PLD5: variants seen among roughly 807,000 people sequenced by gnomAD.
The protein encoded by PLD5 is phospholipase D family member 5.
Under a neutral mutation model 61.1 loss-of-function variants are expected in PLD5, and 36 were observed. The observed-to-expected ratio is 0.59, with a 90% CI of 0.45 to 0.78. The LOEUF (loss-of-function observed/expected upper bound fraction) is 0.78, where lower values mean the gene tolerates loss of function less well. Ranked by LOEUF, PLD5 falls within the 30% of genes least tolerant of loss-of-function variation. The probability of loss-of-function intolerance (pLI) is 0.00; values close to 1 mark genes in which losing one functional copy is unlikely to be tolerated. For missense variants in PLD5, 515 were observed against 644.4 expected (o/e 0.80, Z 2.17); for synonymous variants, 243 against 242.8 (o/e 1.00, Z -0.01).
chr1:242,512,101 C>A (rs927637411), intron 1 of PLD5, among the ~76,000 whole-genome samples: 1 of 151,890 alleles, frequency 6.6e-6, no homozygotes, highest in Admixed American at 6.6e-5. Context: ...TCAAGGCTGG[C>A]CGGCCTTTAA....
chr1:242,157,785 A>G (rs189485221), intron 5 of PLD5, among the ~76,000 whole-genome samples: 5 of 152,280 alleles, frequency 3.3e-5, no homozygotes, highest in East Asian at 3.9e-4. Flanking sequence ...GTCAGGATAC[A>G]TGGCGGTCAG....
chr1:242,255,752 A>G (rs1672978323), intron 4 of PLD5, among the ~76,000 whole-genome samples: 2 of 152,144 alleles, frequency 1.3e-5, no homozygotes, highest in Non-Finnish European at 2.9e-5. Flanking sequence ...GCAATGGCAA[A>G]GATCACATTT....
chr1:242,230,156 A>C (rs1295099326), intron 4 of PLD5, among the ~76,000 whole-genome samples: 1 of 152,210 alleles, frequency 6.6e-6, no homozygotes, highest in Non-Finnish European at 1.5e-5. Flanking sequence ...CAAGGGTGAG[A>C]AGCCCTGCAT....
chr1:242,124,379 C>G, intron 6 of PLD5, 89 bp downstream of exon 6: 1 of 1,309,224 alleles, frequency 7.6e-7, no homozygotes, highest in Non-Finnish European at 1.1e-6. Flanking sequence ...CATTTTTGCC[C>G]AATACAAGAT....
chr1:242,395,008 T>TATATATGAATATATGA (rs1663446104), intron 1 of PLD5, among the ~76,000 whole-genome samples: 4 of 108,006 alleles, frequency 3.7e-5, no homozygotes, highest in East Asian at 5.5e-4. Context: ...TATATATGAA[T>TATATATGAATATATGA]ATATATGAAT....
At chr1:242,136,144 G>A (rs1663709037) in intron 5 of PLD5, among the ~76,000 whole-genome samples, 1 of 152,272 alleles carries the variant, frequency 6.6e-6, no homozygotes, top group Middle Eastern at 3.4e-3. Context: ...ATAGAAGTAG[G>A]AGGCACAACT....
At chr1:242,483,887 A>G (rs530055507) in intron 1 of PLD5, among the ~76,000 whole-genome samples, 10 of 151,914 alleles carry the variant, frequency 6.6e-5, no homozygotes, top group Non-Finnish European at 1.0e-4. Flanking sequence ...ATCAAACTAG[A>G]ACTCAGGATT....
Position 242,256,764 on chromosome 1 carries a change from ATCTATCT to A in PLD5, c.607+8566_607+8572del, listed in dbSNP as rs1039229841. On this transcript the variant is annotated intron_variant, in intron 4 of 9. Coordinates refer to ENST00000536534, the MANE Select transcript of PLD5 (RefSeq NM_001372062.1). The surrounding 1 kb of genome is among the most constrained non-coding windows in gnomAD (Gnocchi z 5.7). ...AAGACTATCATCTATCTATCTATCT[ATCTATCT>A]ATCTATCTATCTATCTATCTATCTA... Among the ~76,000 whole-genome samples the A allele has an allele frequency of 1.4e-5, 2 of 145,508 alleles. No homozygotes were observed. The highest frequency in any genetic ancestry group is 5.5e-5 in the African/African-American group (2 of 36,642).
chr1:242,287,197 G>C (rs1250186782), intron 3 of PLD5, among the ~76,000 whole-genome samples: 1 of 152,116 alleles, frequency 6.6e-6, no homozygotes, highest in Non-Finnish European at 1.5e-5. Flanking sequence ...AGTCACCCCA[G>C]CTGAGATACC....
At chr1:242,399,901 G>T (rs1224597584) in intron 1 of PLD5, among the ~76,000 whole-genome samples, 1 of 152,188 alleles carries the variant, frequency 6.6e-6, no homozygotes, top group Non-Finnish European at 1.5e-5. Flanking sequence ...TGGCGTGGTG[G>T]CTCACGCCTG....
chr1:242,469,960 C>T (rs1391047395), intron 1 of PLD5, among the ~76,000 whole-genome samples: 3 of 152,094 alleles, frequency 2.0e-5, no homozygotes, highest in East Asian at 3.9e-4. Context: ...CACAATCCGC[C>T]CATGTAAAAT....
chr1:242,164,569 G>GTTA (rs1454701814), intron 5 of PLD5, among the ~76,000 whole-genome samples: 5 of 152,258 alleles, frequency 3.3e-5, no homozygotes, highest in African/African-American at 7.2e-5. Flanking sequence ...ATGCAATAAT[G>GTTA]TTATTTATCT....
intron 3 of PLD5, among the ~76,000 whole-genome samples, chr1:242,271,933 T>C (rs1220541662): frequency 3.3e-5 from 5 of 151,768 alleles, no homozygotes; most frequent in Admixed American, 3.3e-4. Context: ...GGGACTGAAA[T>C]AGTGTTACTC....
intron 5 of PLD5, among the ~76,000 whole-genome samples, chr1:242,157,609 G>A (rs1268354989): frequency 1.3e-5 from 2 of 152,146 alleles, no homozygotes; most frequent in Non-Finnish European, 2.9e-5. Flanking sequence ...CAGGTCTGCT[G>A]GAGTTTGCTG....
chr1:242,485,242 T>TTAA (rs1667917234), intron 1 of PLD5, among the ~76,000 whole-genome samples: 1 of 152,164 alleles, frequency 6.6e-6, no homozygotes, highest in Non-Finnish European at 1.5e-5. Context: ...TAAAGGGTAT[T>TTAA]CAATTAGGAA....
chr1:242,228,340 T>G (rs188065105), intron 4 of PLD5, among the ~76,000 whole-genome samples: 1 of 152,290 alleles, frequency 6.6e-6, no homozygotes, highest in East Asian at 1.9e-4. Flanking sequence ...AGCGTATACA[T>G]GCATCATTTC....
Position 242,107,659 on chromosome 1 carries a change from C to A in PLD5, c.1239+12G>T, listed in dbSNP as rs41305959. ...ACTTTTTATTTAATAACACAGTCAA[C>A]GTAATACTTACAACTTTCAAACTGC... On this transcript the variant is annotated intron_variant, in intron 8 of 9. Transcript: ENST00000536534. The A allele has an allele frequency of 8.3e-6, 13 of 1,573,090 alleles. No homozygotes were observed. Among genetic ancestry groups the A allele is most frequent in the Non-Finnish European group, 1.1e-5 (13 of 1,163,638 alleles).
At chr1:242,315,650 T>A (rs924002347) in intron 2 of PLD5, among the ~76,000 whole-genome samples, 4 of 150,954 alleles carry the variant, frequency 2.6e-5, no homozygotes, top group African/African-American at 9.7e-5. Flanking sequence ...GAGGATAACT[T>A]TTTTTTTTAA....
intron 3 of PLD5, among the ~76,000 whole-genome samples, chr1:242,268,657 T>G (rs1050877109): frequency 6.6e-6 from 1 of 152,172 alleles, no homozygotes; most frequent in African/African-American, 2.4e-5. Context: ...TGGGCTTGGG[T>G]AGAGTTTCCA....
Sources: allele counts gnomAD v4.1 joint callset (sites outside exome capture counted in the v4.1 genomes callset), GRCh38; gene constraint gnomAD v4.1.1; non-coding constraint Gnocchi (gnomAD v3.1); transcripts MANE v1.5; gene names NCBI Gene and HGNC (gene_info 2026-07-23, HGNC 2026-07-21).